Variants in PRKG1 observed in about 807,000 individuals in gnomAD.
The protein encoded by PRKG1 is protein kinase cGMP-dependent 1, also known as cGMP-dependent protein kinase 1.
Under a neutral mutation model 88.1 loss-of-function variants are expected in PRKG1, and 35 were observed. That is an observed-to-expected ratio of 0.40 (90% CI 0.30 to 0.53). PRKG1 has a LOEUF of 0.53. Among genes scored for constraint, PRKG1 ranks in the 20% least tolerant of loss-of-function variants. PRKG1 has a pLI of 0.59. For missense variants in PRKG1, 540 were observed against 839.8 expected (o/e 0.64, Z 4.41); for synonymous variants, 303 against 292.5 (o/e 1.04, Z -0.37).
intron 3 of PRKG1, among the ~76,000 whole-genome samples, chr10:51,508,542 G>C (rs1841295008): frequency 2.0e-5 from 3 of 151,490 alleles, no homozygotes; most frequent in African/African-American, 7.3e-5. Flanking sequence ...TATCTTGTGA[G>C]AATGACTTTT....
intron 2 of PRKG1, among the ~76,000 whole-genome samples, chr10:51,339,704 T>A (rs1841961042): frequency 6.6e-6 from 1 of 152,046 alleles, no homozygotes; most frequent in Admixed American, 6.5e-5. Flanking sequence ...AGTATATAAT[T>A]AACATCTTTG....
At chr10:51,231,959 A>G (rs1838857948) in intron 2 of PRKG1, among the ~76,000 whole-genome samples, 1 of 152,264 alleles carries the variant, frequency 6.6e-6, no homozygotes, top group East Asian at 1.9e-4. Context: ...TACCAGTCTC[A>G]TTTTTACTGC....
At chr10:51,918,257 A>T (rs1486265951) in intron 5 of PRKG1, among the ~76,000 whole-genome samples, 1 of 152,190 alleles carries the variant, frequency 6.6e-6, no homozygotes, top group East Asian at 1.9e-4. Context: ...GGAATTAATA[A>T]AAGAAAAACT....
intron 2 of PRKG1, among the ~76,000 whole-genome samples, chr10:51,336,518 G>T: frequency 6.6e-6 from 1 of 152,114 alleles, no homozygotes; most frequent in Middle Eastern, 3.2e-3. Context: ...GGCACACACT[G>T]CTAATTGATC....
At chr10:51,345,423 T>C (rs537181626) in intron 2 of PRKG1, among the ~76,000 whole-genome samples, 2 of 152,298 alleles carry the variant, frequency 1.3e-5, no homozygotes, top group South Asian at 2.1e-4. Flanking sequence ...TTCAGAGTTA[T>C]GGTTTGAGTG....
intron 2 of PRKG1, among the ~76,000 whole-genome samples, chr10:51,331,022 C>T (rs1272403345): frequency 2.0e-5 from 3 of 152,190 alleles, no homozygotes; most frequent in South Asian, 4.1e-4. Context: ...CAGTTGCAGT[C>T]CTGGGGTAGT....
intron 7 of PRKG1, among the ~76,000 whole-genome samples, chr10:52,122,699 A>G (rs1019185879): frequency 1.3e-5 from 2 of 152,224 alleles, no homozygotes; most frequent in African/African-American, 4.8e-5. Context: ...GCAAAAGTAC[A>G]GAGTAAATAC....
In PRKG1 at chr10:52,293,923, G is replaced by A; in HGVS notation, c.*23G>A. 6.3e-7 allele frequency: 1 copy of A among 1,585,794 alleles called. No individual in the cohort carries two copies. The highest frequency in any genetic ancestry group is 2.2e-5 in the East Asian group (1 of 44,688). On this transcript the variant is annotated 3_prime_UTR_variant, in exon 18 of 18. Transcript: ENST00000373980. ...TAATGTATTTCTCTTACCTGCTTCT[G>A]CCTTGCTGAAGACAGCTTTTTCTGA...
intron 2 of PRKG1, among the ~76,000 whole-genome samples, chr10:51,181,639 G>A (rs1285202523): frequency 6.6e-6 from 1 of 152,150 alleles, no homozygotes; most frequent in African/African-American, 2.4e-5. Context: ...ACTACATTTA[G>A]TGATACTCAC....
At chr10:52,234,958 G>A (rs746243678) in intron 9 of PRKG1, among the ~76,000 whole-genome samples, 3,322 of 122,638 alleles carry the variant, frequency 0.027, 44 homozygotes, top group South Asian at 0.091. Context: ...CAGACTAACA[G>A]CGGATCTTTC....
intron 7 of PRKG1, among the ~76,000 whole-genome samples, chr10:52,080,022 A>G (rs1274093169): frequency 6.6e-6 from 1 of 152,156 alleles, no homozygotes; most frequent in Non-Finnish European, 1.5e-5. Context: ...TGCCCACTAA[A>G]TAAACACCAA....
chr10:52,143,711 A>T lies in PRKG1; in HGVS notation c.1001+9806A>T, dbSNP rs149712912. Among the ~76,000 whole-genome samples, 510 of 152,278 alleles carry T rather than the reference A, an allele frequency of 3.3e-3. 2 individuals carry two copies. The highest frequency in any genetic ancestry group is 0.012 in the African/African-American group (481 of 41,556). ...TCAAGAGCCTACCAAGAACACTGGA[A>T]CCAGGAAGCTGAACCCTTTTGTCCT... On this transcript the variant is annotated intron_variant, in intron 8 of 17. Transcript: ENST00000373980.
chr10:51,278,122 C>T (rs1361725667), intron 2 of PRKG1, among the ~76,000 whole-genome samples: 3 of 152,204 alleles, frequency 2.0e-5, no homozygotes, highest in East Asian at 1.9e-4. Flanking sequence ...TTTGGAGATA[C>T]GTCCCATCAA....
At chr10:51,529,551 T>G (rs1841964435) in intron 3 of PRKG1, among the ~76,000 whole-genome samples, 2 of 152,170 alleles carry the variant, frequency 1.3e-5, no homozygotes, top group Non-Finnish European at 2.9e-5. Flanking sequence ...ATACTTGCCT[T>G]CCTTTCCAAA....
intron 3 of PRKG1, among the ~76,000 whole-genome samples, chr10:51,785,227 A>G (rs16923155): frequency 0.044 from 6,612 of 151,750 alleles, 450 homozygotes; most frequent in African/African-American, 0.15. Flanking sequence ...AGTGCATGAA[A>G]TGTGAAGGGA....
intron 3 of PRKG1, among the ~76,000 whole-genome samples, chr10:51,686,608 C>T (rs1057002778): frequency 1.2e-4 from 18 of 152,180 alleles, no homozygotes; most frequent in African/African-American, 3.9e-4. Flanking sequence ...TTCCAATTCA[C>T]AAAACATTCT....
intron 3 of PRKG1, among the ~76,000 whole-genome samples, chr10:51,611,725 A>G (rs1339587673): frequency 1.3e-5 from 2 of 151,578 alleles, no homozygotes; most frequent in Admixed American, 6.6e-5. Context: ...CCAATGTCCT[A>G]AAGAGTTTGC....
In PRKG1 at chr10:51,163,227, C is replaced by T. The variant is rs192277860; in HGVS notation, c.478+9897C>T. On this transcript the variant is annotated intron_variant, in intron 2 of 17. Coordinates refer to ENST00000373980, the MANE Select transcript of PRKG1 (RefSeq NM_006258.4). ...GTATTTACTTTCTATTTGCTGTTCA[C>T]GGTCTGTGTAGTTGAACAAGAACAG... Among the ~76,000 whole-genome samples the T allele has an allele frequency of 1.0e-3, 154 of 152,274 alleles. 1 individual carries two copies. The Middle Eastern group carries it at 0.017, about 17-fold the overall frequency.
At chr10:52,067,667 C>T (rs989549404) in intron 7 of PRKG1, among the ~76,000 whole-genome samples, 28 of 151,850 alleles carry the variant, frequency 1.8e-4, no homozygotes, top group African/African-American at 6.5e-4. Flanking sequence ...GAGTCTCTTT[C>T]ACTTTAGTTG....
Sources: allele counts gnomAD v4.1 joint callset (sites outside exome capture counted in the v4.1 genomes callset), GRCh38; gene constraint gnomAD v4.1.1; transcripts MANE v1.5; gene names NCBI Gene and HGNC (gene_info 2026-07-23, HGNC 2026-07-21).